FARP2: variants seen among roughly 807,000 people sequenced by gnomAD.
The protein encoded by FARP2 is FERM, ARHGEF and pleckstrin domain-containing protein 2.
Under a neutral mutation model 130.5 loss-of-function variants are expected in FARP2, and 111 were observed. The observed-to-expected ratio is 0.85, with a 90% confidence interval of 0.73 to 1.00. FARP2 has a LOEUF of 1.00. Ranked by LOEUF, FARP2 falls within the 50% of genes least tolerant of loss-of-function variation. The pLI is 0.00. For missense variants in FARP2, 1,385 were observed against 1,346.3 expected (o/e 1.03, Z -0.45); for synonymous variants, 504 against 516.9 (o/e 0.98, Z 0.34).
chr2:241,366,781 A>G (rs567788773), intron 1 of FARP2, among the ~76,000 whole-genome samples: 8 of 152,078 alleles, frequency 5.3e-5, no homozygotes, highest in Non-Finnish European at 5.9e-5. Flanking sequence ...CCTGAAAAAT[A>G]TCTGATTAAC....
At chr2:241,373,804 A>G (rs2061476728) in intron 2 of FARP2, among the ~76,000 whole-genome samples, 1 of 152,212 alleles carries the variant, frequency 6.6e-6, no homozygotes, top group South Asian at 2.1e-4. Context: ...TTAATTTTCT[A>G]GGTCAATGAT....
chr2:241,424,220 C>T (rs1341366341), intron 8 of FARP2, among the ~76,000 whole-genome samples: 1 of 152,172 alleles, frequency 6.6e-6, no homozygotes, highest in African/African-American at 2.4e-5. Context: ...AAGCAAAACA[C>T]TCCTCAGCAA....
At chr2:241,368,653 T>C (rs1352132907) in intron 1 of FARP2, among the ~76,000 whole-genome samples, 8 of 152,050 alleles carry the variant, frequency 5.3e-5, no homozygotes, top group Non-Finnish European at 7.3e-5. Flanking sequence ...TTACATTTCT[T>C]TAGAGATAGA....
At chr2:241,373,856 A>C (rs1294847501) in intron 2 of FARP2, among the ~76,000 whole-genome samples, 2 of 152,228 alleles carry the variant, frequency 1.3e-5, no homozygotes, top group Admixed American at 1.3e-4. Flanking sequence ...AGAAGATTGC[A>C]CTGGTAATAT....
chr2:241,437,796 C>T (rs1440182162), intron 12 of FARP2, among the ~76,000 whole-genome samples: 2 of 151,948 alleles, frequency 1.3e-5, no homozygotes, highest in Admixed American at 6.6e-5. Flanking sequence ...TCCCGAGTAG[C>T]TGGGACTGCA....
At chr2:241,359,660 T>A (rs1272573009) in intron 1 of FARP2, among the ~76,000 whole-genome samples, 1 of 152,196 alleles carries the variant, frequency 6.6e-6, no homozygotes, top group Non-Finnish European at 1.5e-5. Context: ...TTCTTTCTGC[T>A]CTCTCTGTGA....
intron 2 of FARP2, among the ~76,000 whole-genome samples, chr2:241,375,203 G>A (rs370563025): frequency 2.6e-5 from 4 of 151,898 alleles, no homozygotes; most frequent in African/African-American, 9.7e-5. Context: ...CGCCCGCTTC[G>A]GCCTCCCAAA....
intron 2 of FARP2, among the ~76,000 whole-genome samples, chr2:241,394,099 T>C (rs2061971951): frequency 6.6e-6 from 1 of 152,186 alleles, no homozygotes; most frequent in African/African-American, 2.4e-5. Flanking sequence ...AGGGAGAATC[T>C]TGTTTCATCT....
At chr2:241,450,716 T>A (rs2063632924) in intron 13 of FARP2, among the ~76,000 whole-genome samples, 1 of 151,810 alleles carries the variant, frequency 6.6e-6, no homozygotes, top group African/African-American at 2.4e-5. Context: ...TCCCAGCAAT[T>A]CGGGAGGCTG....
intron 19 of FARP2, chr2:241,479,078 GA>G: frequency 2.0e-6 from 1 of 493,126 alleles, no homozygotes; most frequent in Non-Finnish European, 3.6e-6. Flanking sequence ...TTGGCTGCGA[GA>G]AGGAACCTGC....
Position 241,493,390 on chromosome 2 carries a change from A to G in FARP2, c.2993A>G (p.Gln998Arg). 4 of 1,614,012 alleles carry G rather than the reference A, an allele frequency of 2.5e-6. No individual in the cohort carries two copies. The highest frequency in any genetic ancestry group is 3.4e-6 in the Non-Finnish European group (4 of 1,180,008). Residue 998 changes from glutamine to arginine, a missense_variant, in exon 26 of 27, where the codon CAG (glutamine) becomes CGG (arginine). Physicochemically the swap from Gln to Arg is conservative, Grantham distance 43 (BLOSUM62 1). Transcript: ENST00000264042. The part of the protein sequence containing the change: ...GIHKDYVFKL[Q>R]FKSHVYFFRA... The stretch of plus-strand genomic sequence containing the variant: ...CACAAAGACTATGTTTTCAAGCTCC[A>G]GTTCAAATCCCACGTCTACTTCTTC...
At chr2:241,416,391 T>C (rs1481124103) in intron 7 of FARP2, among the ~76,000 whole-genome samples, 1 of 152,176 alleles carries the variant, frequency 6.6e-6, no homozygotes, top group African/African-American at 2.4e-5. Context: ...CTGTGTTAAT[T>C]TGAGACTGTG....
chr2:241,478,780 G>A, intron 19 of FARP2: 1 of 414,360 alleles, frequency 2.4e-6, no homozygotes, highest in Non-Finnish European at 4.8e-6. Context: ...TTCAGTGTCA[G>A]GAGGAGGAAC....
intron 2 of FARP2, among the ~76,000 whole-genome samples, chr2:241,398,801 T>G (rs2062092153): frequency 6.6e-6 from 1 of 152,166 alleles, no homozygotes; most frequent in Admixed American, 6.5e-5. Flanking sequence ...ACTCCTGACC[T>G]CAGGTGATCT....
intron 13 of FARP2, among the ~76,000 whole-genome samples, chr2:241,453,388 C>T (rs574179139): frequency 3.0e-4 from 45 of 151,334 alleles, no homozygotes; most frequent in African/African-American, 8.7e-4. Context: ...TTTGGGAGGC[C>T]AAGGCGGGCA....
chr2:241,455,650 G>A lies in FARP2; in HGVS notation c.1412-1097G>A, dbSNP rs1047236395. ...ACCCCCCTCAGCCTCCCAAAGTGCT[G>A]GGATTACAGGTATGAGCCACCATGC... On this transcript the variant is annotated intron_variant, in intron 13 of 26. Transcript: ENST00000264042. 2.6e-5 allele frequency among the ~76,000 whole-genome samples: 4 copies of A among 151,876 alleles called. No individual in the cohort carries two copies. In the South Asian group the frequency reaches 8.3e-4, roughly 32 times the overall value.
chr2:241,484,453 T>G, intron 21 of FARP2, 122 bp downstream of exon 21: 2 of 747,184 alleles, frequency 2.7e-6, no homozygotes, highest in Non-Finnish European at 4.6e-6. Flanking sequence ...GCTGAGTATT[T>G]GGCCGCACTG....
chr2:241,458,693 T>A (rs1167358881), intron 14 of FARP2, among the ~76,000 whole-genome samples: 1 of 151,420 alleles, frequency 6.6e-6, no homozygotes, highest in African/African-American at 2.4e-5. Flanking sequence ...AAAAAAAAAA[T>A]GGCTACCAAG....
chr2:241,356,635 G>A (rs2061073195), intron 1 of FARP2, among the ~76,000 whole-genome samples: 1 of 152,184 alleles, frequency 6.6e-6, no homozygotes, highest in African/African-American at 2.4e-5. Context: ...CGGTGGGCCG[G>A]GGAGTGGCCC....
Sources: gnomAD v4.1 joint callset for allele counts (sites outside exome capture counted in the v4.1 genomes callset) on GRCh38, gnomAD v4.1.1 for gene constraint, MANE v1.5 for transcripts, NCBI Gene and HGNC (gene_info 2026-07-23, HGNC 2026-07-21) for gene names.